The following APP variants were observed in gnomAD, a reference collection of about 807,000 sequenced individuals.
APP encodes amyloid beta precursor protein, also known as amyloid-beta precursor protein.
In APP, 31 loss-of-function variants were observed where a neutral mutation model predicts 101.4. The ratio of observed to expected loss-of-function variants is 0.31; its 90% CI spans 0.23 to 0.41. The LOEUF (loss-of-function observed/expected upper bound fraction) is 0.41. Ranked by LOEUF, APP falls within the 10% of genes least tolerant of loss-of-function variation. APP has a pLI of 1.00. For synonymous variants in APP, 366 were observed against 364.4 expected (o/e 1.00, Z -0.05); for missense variants, 839 against 1,003.7 (o/e 0.84, Z 2.22).
At chr21:26,071,401 A>C (rs916922123) in intron 3 of APP, among the ~76,000 whole-genome samples, 1 of 152,172 alleles carries the variant, frequency 6.6e-6, no homozygotes, top group Admixed American at 6.5e-5. Context: ...ATTCCAAGCA[A>C]GCAGAAACTC....
At position 26,040,911 on chromosome 21, in the gene APP, C is replaced by A. The variant is rs567489495; in HGVS notation, c.662+10089G>T. Among the ~76,000 whole-genome samples, 4 of 152,276 alleles carry A rather than the reference C, an allele frequency of 2.6e-5. No individual in the cohort carries two copies. The South Asian group carries it at 6.2e-4, about 24-fold the overall frequency. On this transcript the variant is annotated intron_variant, in intron 5 of 17. Transcript: ENST00000346798. Reference sequence around the variant, plus strand: ...CTAAGTGGCATTAGTCTACCACCTACAATTTTACATTGAAACACTGGGGAT... The same window carrying A: ...CTAAGTGGCATTAGTCTACCACCTAAAATTTTACATTGAAACACTGGGGAT...
chr21:25,901,537 G>T (rs2038487701), intron 15 of APP, among the ~76,000 whole-genome samples: 1 of 152,158 alleles, frequency 6.6e-6, no homozygotes, highest in Non-Finnish European at 1.5e-5. Flanking sequence ...ATCTAGGGAA[G>T]ACTTTTTACA....
intron 13 of APP, among the ~76,000 whole-genome samples, chr21:25,930,634 TC>T (rs1282349908): frequency 1.3e-5 from 2 of 152,152 alleles, no homozygotes; most frequent in African/African-American, 4.8e-5. Flanking sequence ...TGGGTCCTTT[TC>T]CCACAGACAG....
chr21:26,146,975 A>T (rs2063168029), intron 1 of APP, among the ~76,000 whole-genome samples: 1 of 152,186 alleles, frequency 6.6e-6, no homozygotes, highest in African/African-American at 2.4e-5. Context: ...TTTCTGATGT[A>T]AAAAGACACT....
chr21:26,015,314 AT>A (rs2044003329), intron 6 of APP, among the ~76,000 whole-genome samples: 1 of 152,216 alleles, frequency 6.6e-6, no homozygotes, highest in South Asian at 2.1e-4. Context: ...CAGTTACTGT[AT>A]ACCAGGAATT....
intron 14 of APP, among the ~76,000 whole-genome samples, chr21:25,907,579 T>C (rs540318144): frequency 6.6e-6 from 1 of 152,244 alleles, no homozygotes. Flanking sequence ...TAAAATAAAA[T>C]GTAAGCAGAA....
intron 3 of APP, among the ~76,000 whole-genome samples, chr21:26,075,500 C>T (rs751479381): frequency 1.3e-5 from 2 of 152,110 alleles, no homozygotes; most frequent in Non-Finnish European, 2.9e-5. Flanking sequence ...ATACTACAGG[C>T]TATGAAAGTA....
chr21:26,022,037 T>C lies in APP; in HGVS notation c.668A>G (p.Asp223Gly), dbSNP rs1220355764. ...ADTDYADGSE[D>G]KVVEVAEEEE... ...CTCCTCTGCTACTTCTACTACTTTG[T>C]CTTCACTGTGAAGGCAAACACAAAT... The change falls in exon 6 of 18, where the codon GAC becomes GGC. Residue 223 changes from aspartate to glycine, a missense_variant. Coordinates refer to ENST00000346798, the MANE Select transcript of APP (RefSeq NM_000484.4). 3 of 1,613,820 alleles carry C rather than the reference T, an allele frequency of 1.9e-6. No homozygotes were observed. In the Middle Eastern group the frequency reaches 4.9e-4, roughly 266 times the overall value.
At chr21:26,035,510 G>A (rs2045065353) in intron 5 of APP, among the ~76,000 whole-genome samples, 1 of 152,138 alleles carries the variant, frequency 6.6e-6, no homozygotes, top group Non-Finnish European at 1.5e-5. Flanking sequence ...AGGAATGTAG[G>A]AGGTCAAACC....
At chr21:26,001,407 C>T (rs2043288101) in intron 6 of APP, among the ~76,000 whole-genome samples, 2 of 152,236 alleles carry the variant, frequency 1.3e-5, no homozygotes, top group Non-Finnish European at 2.9e-5. Context: ...CGCCTTAGCA[C>T]ACACAGATGT....
chr21:26,094,703 T>C (rs2061902134), intron 2 of APP, among the ~76,000 whole-genome samples: 1 of 151,222 alleles, frequency 6.6e-6, no homozygotes. Flanking sequence ...ACAAATGTTC[T>C]CGTGGCTAGA....
At chr21:26,168,718 G>GT (rs776513542) in intron 1 of APP, among the ~76,000 whole-genome samples, 4 of 152,208 alleles carry the variant, frequency 2.6e-5, no homozygotes, top group Non-Finnish European at 5.9e-5. Flanking sequence ...ACAAATAAAT[G>GT]TAAGTAAGTC....
chr21:25,903,225 T>G (rs1176810910), intron 15 of APP, among the ~76,000 whole-genome samples: 1 of 151,574 alleles, frequency 6.6e-6, no homozygotes, highest in East Asian at 1.9e-4. Flanking sequence ...AAAAATTAGC[T>G]GGGCATGGTG....
chr21:25,906,539 T>C lies in APP; in HGVS notation c.1910-1462A>G, dbSNP rs114320852. On this transcript the variant is annotated intron_variant, in intron 14 of 17. Coordinates refer to ENST00000346798, the MANE Select transcript of APP (RefSeq NM_000484.4). ...AAATATCCTATGATTAAATATTCCATAGTAACTACTGATGCGAGAGTGACT... is the reference window on the plus strand; with the variant it reads ...AAATATCCTATGATTAAATATTCCACAGTAACTACTGATGCGAGAGTGACT... Among the ~76,000 whole-genome samples the C allele has an allele frequency of 3.3e-3, 496 of 152,366 alleles. 3 individuals carry two copies. The highest frequency in any genetic ancestry group is 0.011 in the African/African-American group (478 of 41,588).
rs543164150 is a variant in APP, at chr21:25,908,156, C to G, written c.1910-3079G>C. 7.2e-5 allele frequency among the ~76,000 whole-genome samples: 11 copies of G among 152,330 alleles called. No individual in the cohort carries two copies. In the East Asian group the frequency reaches 2.1e-3, roughly 29 times the overall value. ...ATGTCATCAACGCTAATGCTTCCAG[C>G]CAGATCATTTCACGATCTGTGAGCA... On this transcript the variant is annotated intron_variant, in intron 14 of 17. Coordinates refer to ENST00000346798, the MANE Select transcript of APP (RefSeq NM_000484.4).
chr21:26,083,251 T>C (rs1235268321), intron 3 of APP, among the ~76,000 whole-genome samples: 1 of 152,202 alleles, frequency 6.6e-6, no homozygotes, highest in African/African-American at 2.4e-5. Context: ...ACAGCATCAT[T>C]TATAACAACT....
intron 1 of APP, among the ~76,000 whole-genome samples, chr21:26,124,939 G>T (rs2062650144): frequency 6.6e-6 from 1 of 152,240 alleles, no homozygotes; most frequent in Non-Finnish European, 1.5e-5. Flanking sequence ...ATAATCCAAT[G>T]GTGGAGACAC....
rs576539918 is a variant in APP at position 25,940,986 on chromosome 21, A to G, written c.1687+13604T>C. ...CTAAGGACCACACTTGGAGAACCAC[A>G]GCTCTGAAATATTCCCTGGGCATGG... is the stretch of plus-strand genomic sequence containing the variant. On this transcript the variant is annotated intron_variant, in intron 13 of 17. Coordinates refer to ENST00000346798, the MANE Select transcript of APP (RefSeq NM_000484.4). Among the ~76,000 whole-genome samples the G allele has an allele frequency of 1.8e-4, 28 of 152,338 alleles. 1 individual carries two copies. In the South Asian group the frequency reaches 5.2e-3, roughly 28 times the overall value.
chr21:26,081,196 T>C (rs748127590), intron 3 of APP, among the ~76,000 whole-genome samples: 8 of 152,306 alleles, frequency 5.3e-5, no homozygotes, highest in Middle Eastern at 3.4e-3. Flanking sequence ...CCACCATTAA[T>C]AGAAAAACAG....
Sources: allele counts gnomAD v4.1 joint callset (sites outside exome capture counted in the v4.1 genomes callset), GRCh38; gene constraint gnomAD v4.1.1; transcripts MANE v1.5; gene names NCBI Gene and HGNC (gene_info 2026-07-23, HGNC 2026-07-21).